PACRG: variants seen among roughly 807,000 people sequenced by gnomAD.
The protein encoded by PACRG is parkin coregulated.
In PACRG, 29 loss-of-function variants were observed where a neutral mutation model predicts 29.7. That is an observed-to-expected ratio of 0.98 (90% CI 0.73 to 1.33). The LOEUF is 1.33. Among genes scored for constraint, PACRG ranks in the 40% most tolerant of loss-of-function variants. The probability of loss-of-function intolerance (pLI) is 0.00; values close to 1 mark genes in which losing one functional copy is unlikely to be tolerated. For synonymous variants in PACRG, 116 were observed against 118.7 expected, an observed-to-expected ratio of 0.98 and a Z score of 0.15; for missense variants, 279 against 316.2, an observed-to-expected ratio of 0.88 and a Z score of 0.89.
At chr6:163,118,457 CA>C (rs981928324) in intron 4 of PACRG, among the ~76,000 whole-genome samples, 4 of 152,022 alleles carry the variant, frequency 2.6e-5, no homozygotes, top group Admixed American at 6.5e-5. Flanking sequence ...TAATTAAACA[CA>C]AAAAAATATT....
At chr6:163,126,469 T>A (rs1288228220) in intron 4 of PACRG, among the ~76,000 whole-genome samples, 1 of 152,186 alleles carries the variant, frequency 6.6e-6, no homozygotes, top group Non-Finnish European at 1.5e-5. Flanking sequence ...AGATTGTCTT[T>A]GGTATTTATG....
intron 4 of PACRG, among the ~76,000 whole-genome samples, chr6:163,225,743 G>A (rs1415714747): frequency 3.3e-5 from 5 of 152,178 alleles, no homozygotes; most frequent in Non-Finnish European, 7.3e-5. Context: ...TCAGTATGTT[G>A]AAGAGATACT....
intron 2 of PACRG, among the ~76,000 whole-genome samples, chr6:162,835,877 C>A (rs1166415458): frequency 6.6e-6 from 1 of 152,116 alleles, no homozygotes; most frequent in East Asian, 1.9e-4. Context: ...TGAAAAGAAT[C>A]ATACGATTTG....
At chr6:162,727,738 C>A (rs974897520), upstream of PACRG, 37 of 1,486,182 alleles carry the variant, frequency 2.5e-5, no homozygotes, top group Non-Finnish European at 3.2e-5. Context: ...GCCGCGCCTC[C>A]CACCAGCGGC....
intron 4 of PACRG, among the ~76,000 whole-genome samples, chr6:163,289,432 T>C (rs1212447188): frequency 6.6e-6 from 1 of 152,242 alleles, no homozygotes; most frequent in Admixed American, 6.5e-5. Context: ...AGTTTTTCTT[T>C]TGTAAATAAC....
intron 2 of PACRG, among the ~76,000 whole-genome samples, chr6:162,922,275 T>C (rs1797121073): frequency 6.7e-6 from 1 of 148,346 alleles, no homozygotes; most frequent in African/African-American, 2.5e-5. Flanking sequence ...CATGCCTGTT[T>C]CTGGTGGTCC....
Position 162,940,770 on chromosome 6 carries a change from A to G in PACRG, c.292-121380A>G, listed in dbSNP as rs181084458. ...TGGGCATTTTATCATTGGAGGGGTG[A>G]AATGTTATGAAGGAAGATGACAACA... is the stretch of plus-strand genomic sequence containing the variant. On this transcript the variant is annotated intron_variant, in intron 2 of 4. Transcript: ENST00000366888. 8.0e-4 allele frequency among the ~76,000 whole-genome samples: 121 copies of G among 152,180 alleles called. 1 individual carries two copies. The highest frequency in any genetic ancestry group is 1.4e-3 in the Non-Finnish European group (95 of 68,014).
At chr6:163,250,883 G>GTGTA (rs373659740) in intron 4 of PACRG, among the ~76,000 whole-genome samples, 11 of 138,102 alleles carry the variant, frequency 8.0e-5, no homozygotes, top group African/African-American at 2.7e-4. Flanking sequence ...AGAAATTGTT[G>GTGTA]TATATATATA....
chr6:163,300,885 A>T (rs1784967714), intron 4 of PACRG, among the ~76,000 whole-genome samples: 1 of 138,972 alleles, frequency 7.2e-6, no homozygotes, highest in Admixed American at 7.3e-5. Flanking sequence ...CCATGAGTTT[A>T]GCAGGGCCAC....
intron 2 of PACRG, among the ~76,000 whole-genome samples, chr6:162,959,631 A>G (rs1393692787): frequency 6.6e-6 from 1 of 152,154 alleles, no homozygotes; most frequent in African/African-American, 2.4e-5. Flanking sequence ...TCTGACTTAC[A>G]TTTTTGAAGG....
At chr6:162,833,858 A>C (rs1418361376) in intron 2 of PACRG, among the ~76,000 whole-genome samples, 1 of 152,182 alleles carries the variant, frequency 6.6e-6, no homozygotes, top group Non-Finnish European at 1.5e-5. Context: ...AAATTGTGGT[A>C]AAGGCCCATG....
At chr6:162,994,045 TC>T (rs1803714108) in intron 2 of PACRG, among the ~76,000 whole-genome samples, 1 of 130,106 alleles carries the variant, frequency 7.7e-6, no homozygotes. Context: ...AAAATTCTTT[TC>T]TTTAAGAATG....
intron 2 of PACRG, among the ~76,000 whole-genome samples, chr6:162,927,888 A>G (rs1031092610): frequency 1.3e-4 from 20 of 152,028 alleles, no homozygotes; most frequent in African/African-American, 4.8e-4. Context: ...GTGGTGTACT[A>G]TCTTTTTCAT....
At chr6:163,298,788 C>T (rs951662169) in intron 4 of PACRG, among the ~76,000 whole-genome samples, 17 of 152,178 alleles carry the variant, frequency 1.1e-4, no homozygotes, top group African/African-American at 3.9e-4. Context: ...TCATCCTCTC[C>T]GGTAACAACG....
chr6:162,986,783 G>GT (rs1479559821), intron 2 of PACRG, among the ~76,000 whole-genome samples: 1 of 152,040 alleles, frequency 6.6e-6, no homozygotes, highest in Admixed American at 6.6e-5. Context: ...CTCTGAAGTT[G>GT]TTTTTTCTGC....
intron 4 of PACRG, among the ~76,000 whole-genome samples, chr6:163,193,387 G>GT (rs1485285197): frequency 6.6e-6 from 1 of 152,192 alleles, no homozygotes; most frequent in African/African-American, 2.4e-5. Flanking sequence ...TTAAGACAAT[G>GT]TATGAAGAGT....
At chr6:162,769,536 T>G (rs1418517830) in intron 1 of PACRG, among the ~76,000 whole-genome samples, 1 of 152,064 alleles carries the variant, frequency 6.6e-6, no homozygotes, top group Non-Finnish European at 1.5e-5. Flanking sequence ...GTGCCTCGTC[T>G]ATAGGGATAG....
At chr6:162,903,472 A>T (rs1795702355) in intron 2 of PACRG, among the ~76,000 whole-genome samples, 1 of 152,220 alleles carries the variant, frequency 6.6e-6, no homozygotes, top group South Asian at 2.1e-4. Flanking sequence ...GAGGCCTCAC[A>T]ATCATGGCAG....
intron 4 of PACRG, chr6:163,166,150 C>G (rs1006227132): frequency 8.8e-6 from 4 of 456,116 alleles, no homozygotes; most frequent in African/African-American, 8.0e-5. Context: ...CGCTTGCGCC[C>G]GGCACATGTG....
Sources: gnomAD v4.1 joint callset for allele counts (sites outside exome capture counted in the v4.1 genomes callset) on GRCh38, gnomAD v4.1.1 for gene constraint, MANE v1.5 for transcripts, NCBI Gene and HGNC (gene_info 2026-07-23, HGNC 2026-07-21) for gene names.